PDZD2: variants seen among roughly 807,000 people sequenced by gnomAD.
PDZD2 encodes PDZ domain containing 2.
Under a neutral mutation model 220.7 loss-of-function variants are expected in PDZD2, and 90 were observed. The ratio of observed to expected loss-of-function variants is 0.41; its 90% confidence interval spans 0.34 to 0.49. PDZD2 has a LOEUF of 0.49. Ranked by LOEUF, PDZD2 falls within the 20% of genes least tolerant of loss-of-function variation. The pLI, the probability that PDZD2 is intolerant of heterozygous loss-of-function variation, is 0.28. For synonymous variants in PDZD2, 1,375 were observed against 1,450.5 expected, an observed-to-expected ratio of 0.95 and a Z score of 1.18; for missense variants, 3,174 against 3,608.5, an observed-to-expected ratio of 0.88 and a Z score of 3.08.
At chr5:31,688,252 A>T (rs1157411231) in intron 1 of PDZD2, among the ~76,000 whole-genome samples, 1 of 152,158 alleles carries the variant, frequency 6.6e-6, no homozygotes, top group Non-Finnish European at 1.5e-5. Flanking sequence ...AGAAAAAAAA[A>T]ACTCAGTTGT....
chr5:32,000,415 C>A lies in PDZD2; in HGVS notation c.1254+144C>A. 1.2e-6 allele frequency: 1 copy of A among 806,620 alleles called. No homozygotes were observed. Among genetic ancestry groups the A allele is most frequent in the Admixed American group, 2.0e-5 (1 of 49,466 alleles). 50.0% of individuals were successfully genotyped at this position (806,620 alleles called of 1,614,324 possible). On this transcript the variant is annotated intron_variant, in intron 5 of 24. Coordinates refer to ENST00000438447, the MANE Select transcript of PDZD2 (RefSeq NM_178140.4). The surrounding 1 kb of genome is among the most constrained non-coding windows in gnomAD (Gnocchi z 4.5). ...GGCTATTGAAACAGCCTTGCTTCCA[C>A]AGGGCAACGCTATATGGAGACCCTT...
At chr5:31,839,352 A>G (rs1410553990) in intron 2 of PDZD2, among the ~76,000 whole-genome samples, 9 of 152,224 alleles carry the variant, frequency 5.9e-5, no homozygotes, top group South Asian at 2.1e-4. Context: ...GAGTTTGCAC[A>G]TAAGTTATAA....
chr5:31,705,915 G>T (rs1278024076), intron 1 of PDZD2, among the ~76,000 whole-genome samples: 1 of 152,184 alleles, frequency 6.6e-6, no homozygotes, highest in Non-Finnish European at 1.5e-5. Flanking sequence ...CCTGGGCGTG[G>T]TGGTGGGTGC....
At chr5:32,026,485 C>G (rs1007900226) in intron 6 of PDZD2, among the ~76,000 whole-genome samples, 9 of 152,128 alleles carry the variant, frequency 5.9e-5, no homozygotes, top group Non-Finnish European at 1.0e-4. Context: ...TTTTTAACAG[C>G]CTTCCCACCA....
intron 1 of PDZD2, among the ~76,000 whole-genome samples, chr5:31,649,901 G>A (rs1459579230): frequency 1.7e-5 from 2 of 119,674 alleles, no homozygotes; most frequent in Admixed American, 1.2e-4. Context: ...TCACACCACT[G>A]CACTCCAGCC....
intron 1 of PDZD2, among the ~76,000 whole-genome samples, chr5:31,723,678 C>T (rs557919117): frequency 3.2e-4 from 48 of 152,178 alleles, no homozygotes; most frequent in African/African-American, 1.1e-3. Flanking sequence ...AGTGCAATGG[C>T]GCGATCTTGG....
intron 1 of PDZD2, among the ~76,000 whole-genome samples, chr5:31,682,251 G>A (rs1423475141): frequency 6.6e-6 from 1 of 152,170 alleles, no homozygotes; most frequent in Non-Finnish European, 1.5e-5. Context: ...GTCAGTGTTT[G>A]AATTGGACAC....
intron 1 of PDZD2, among the ~76,000 whole-genome samples, chr5:31,770,484 G>A (rs777384939): frequency 2.0e-5 from 3 of 152,184 alleles, no homozygotes; most frequent in Non-Finnish European, 4.4e-5. Flanking sequence ...GCCATCCCAG[G>A]TCACCCCTGA....
intron 1 of PDZD2, among the ~76,000 whole-genome samples, chr5:31,702,727 T>C (rs1747656785): frequency 6.6e-6 from 1 of 152,256 alleles, no homozygotes; most frequent in Non-Finnish European, 1.5e-5. Context: ...CAGTGTTTCT[T>C]TGTAAAACAT....
intron 1 of PDZD2, among the ~76,000 whole-genome samples, chr5:31,677,080 G>A (rs1419501677): frequency 6.6e-6 from 1 of 152,130 alleles, no homozygotes; most frequent in Non-Finnish European, 1.5e-5. Context: ...TAGGAGCAAG[G>A]CCCTGCTTGG....
At chr5:31,672,443 C>G (rs1006131937) in intron 1 of PDZD2, among the ~76,000 whole-genome samples, 1 of 152,222 alleles carries the variant, frequency 6.6e-6, no homozygotes, top group Admixed American at 6.5e-5. Flanking sequence ...CTAGTTCCCT[C>G]TGATTCCCCC....
intron 7 of PDZD2, among the ~76,000 whole-genome samples, chr5:32,046,705 T>C (rs751035641): frequency 6.6e-6 from 1 of 152,064 alleles, no homozygotes; most frequent in Non-Finnish European, 1.5e-5. Flanking sequence ...ATATTTACAA[T>C]CCATAGATCC....
chr5:31,982,576 G>A (rs955357322), intron 2 of PDZD2, among the ~76,000 whole-genome samples: 5 of 152,170 alleles, frequency 3.3e-5, no homozygotes, highest in Non-Finnish European at 7.3e-5. Flanking sequence ...CAAAGCGCTG[G>A]ATTACAGGTG....
chr5:31,825,087 C>A (rs947709002), intron 2 of PDZD2, among the ~76,000 whole-genome samples: 1 of 152,176 alleles, frequency 6.6e-6, no homozygotes, highest in African/African-American at 2.4e-5. Context: ...CTCCTGGCCA[C>A]CCACCAGGGA....
intron 23 of PDZD2, chr5:32,100,426 G>A: frequency 9.5e-6 from 2 of 211,448 alleles, no homozygotes; most frequent in Non-Finnish European, 1.9e-5. Flanking sequence ...ATTCAAACCA[G>A]CCCACTATCC....
intron 2 of PDZD2, among the ~76,000 whole-genome samples, chr5:31,896,782 C>G (rs1483320860): frequency 6.6e-6 from 1 of 152,108 alleles, no homozygotes; most frequent in Non-Finnish European, 1.5e-5. Context: ...CAACATAGAC[C>G]CAGTCTCTAC....
intron 2 of PDZD2, among the ~76,000 whole-genome samples, chr5:31,816,669 C>T (rs534011008): frequency 2.6e-5 from 4 of 152,042 alleles, no homozygotes; most frequent in South Asian, 4.2e-4. Flanking sequence ...TTTAGAGGAG[C>T]TATATGTTAA....
intron 2 of PDZD2, among the ~76,000 whole-genome samples, chr5:31,832,278 G>A (rs1457975033): frequency 7.1e-6 from 1 of 141,736 alleles, no homozygotes; most frequent in Non-Finnish European, 1.5e-5. Flanking sequence ...GGGACGAATG[G>A]AGAGTTATTA....
chr5:31,667,922 C>T (rs868430328), intron 1 of PDZD2, among the ~76,000 whole-genome samples: 8 of 123,766 alleles, frequency 6.5e-5, no homozygotes, highest in Middle Eastern at 6.9e-3. Context: ...AGTGCAGTGG[C>T]GTGATTTCGG....
Sources: allele counts gnomAD v4.1 joint callset (sites outside exome capture counted in the v4.1 genomes callset), GRCh38; gene constraint gnomAD v4.1.1; non-coding constraint Gnocchi (gnomAD v3.1); transcripts MANE v1.5; gene names NCBI Gene and HGNC (gene_info 2026-07-23, HGNC 2026-07-21).